ATXN10: variants seen among roughly 807,000 people sequenced by gnomAD.
The protein encoded by ATXN10 is ataxin-10.
A neutral mutation model predicts 52.9 loss-of-function variants in ATXN10; 28 were observed. The ratio of observed to expected loss-of-function variants is 0.53; its 90% CI spans 0.39 to 0.73. The LOEUF (loss-of-function observed/expected upper bound fraction) is 0.73, where lower values mean the gene tolerates loss of function less well. Among genes scored for constraint, ATXN10 ranks in the 30% least tolerant of loss-of-function variants. ATXN10 has a pLI of 0.00. For missense variants in ATXN10, 565 were observed against 577.0 expected (o/e 0.98, Z 0.21); for synonymous variants, 226 against 221.5 (o/e 1.02, Z -0.18).
chr22:45,732,584 T>C lies in ATXN10; in HGVS notation c.894+2994T>C, dbSNP rs1452120397. ...TGCACATATGTCATACTTTTTTTTT[T>C]TTTTTAAAAGAGGACCACTTTGCCA... On this transcript the variant is annotated intron_variant, in intron 7 of 11. Coordinates refer to ENST00000252934, the MANE Select transcript of ATXN10 (RefSeq NM_013236.4). The surrounding 1 kb of genome is among the most constrained non-coding windows in gnomAD (Gnocchi z 4.5). Among the ~76,000 whole-genome samples the C allele has an allele frequency of 6.6e-6, 1 of 152,194 alleles. No homozygotes were observed.
intron 7 of ATXN10, 152 bp from the exon 8 acceptor site, chr22:45,738,574 CTGTTT>C (rs1925388514): frequency 1.6e-6 from 1 of 625,174 alleles, no homozygotes; most frequent in East Asian, 2.9e-5. Flanking sequence ...TTTCATACTT[CTGTTT>C]TGTTCTTCAT....
rs180850520 is a variant in ATXN10 at position 45,738,183 on chromosome 22, C to T, written c.895-548C>T. 3.0e-3 allele frequency among the ~76,000 whole-genome samples: 459 copies of T among 152,300 alleles called. 2 individuals are homozygous for T. The highest frequency in any genetic ancestry group is 0.011 in the South Asian group (51 of 4,828). ...AGCTATGTGAAGTAGCATTTTCAAA[C>T]AGTACTGTCTTTCTAATCTACCAAG... is the stretch of plus-strand genomic sequence containing the variant. On this transcript the variant is annotated intron_variant, in intron 7 of 11. Coordinates refer to ENST00000252934, the MANE Select transcript of ATXN10 (RefSeq NM_013236.4).
At chr22:45,799,855 T>TA (rs1361062164) in intron 9 of ATXN10, among the ~76,000 whole-genome samples, 1 of 152,150 alleles carries the variant, frequency 6.6e-6, no homozygotes, top group Non-Finnish European at 1.5e-5. Context: ...TTTATGTAAA[T>TA]ATAGATGTAT....
chr22:45,691,887 C>T (rs1321279533), intron 2 of ATXN10, among the ~76,000 whole-genome samples: 7 of 151,738 alleles, frequency 4.6e-5, no homozygotes, highest in Admixed American at 1.3e-4. Flanking sequence ...AGTGAGACTC[C>T]GTCTCAAAAA....
At position 45,759,814 on chromosome 22, in the gene ATXN10, CTCTT is replaced by C. The variant is rs1433810718; in HGVS notation, c.1173+19280_1173+19283del. ...AGCACTGTCCATCGCTTGCTTCTCT[CTCTT>C]TCTAATTTACATACAGCTAAACACA... On this transcript the variant is annotated intron_variant, in intron 9 of 11. Coordinates refer to ENST00000252934, the MANE Select transcript of ATXN10 (RefSeq NM_013236.4). The surrounding 1 kb of genome is among the most constrained non-coding windows in gnomAD (Gnocchi z 5.4). Among the ~76,000 whole-genome samples the C allele has an allele frequency of 3.3e-5, 5 of 152,196 alleles. No homozygotes were observed. Among genetic ancestry groups the C allele is most frequent in the African/African-American group, 1.2e-4 (5 of 41,436 alleles).
At chr22:45,752,801 C>T (rs1233581373) in intron 9 of ATXN10, among the ~76,000 whole-genome samples, 1 of 151,434 alleles carries the variant, frequency 6.6e-6, no homozygotes, top group East Asian at 1.9e-4. Context: ...TGCAATGGTG[C>T]GATCTCGACG....
rs531884780 is a variant in ATXN10, at chr22:45,795,975, C to T, written c.1174-10984C>T. 2.6e-4 allele frequency among the ~76,000 whole-genome samples: 40 copies of T among 152,200 alleles called. No individual in the cohort carries two copies. Among genetic ancestry groups the T allele is most frequent in the Non-Finnish European group, 5.7e-4 (39 of 68,034 alleles). On this transcript the variant is annotated intron_variant, in intron 9 of 11. Coordinates refer to ENST00000252934, the MANE Select transcript of ATXN10 (RefSeq NM_013236.4). The surrounding 1 kb of genome is among the most constrained non-coding windows in gnomAD (Gnocchi z 4.6). The stretch of plus-strand genomic sequence containing the variant: ...GGCACCTTGAAAAAGAACTGGGTAA[C>T]AGCGATTTTCAAGGAACAAGGGAGA...
At chr22:45,680,340 G>A (rs1440224071) in intron 1 of ATXN10, among the ~76,000 whole-genome samples, 2 of 152,136 alleles carry the variant, frequency 1.3e-5, no homozygotes, top group African/African-American at 4.8e-5. Flanking sequence ...AAAGACTTAA[G>A]TGGTAAGATA....
rs1159104380 is a variant in ATXN10 at position 45,805,656 on chromosome 22, A to G, written c.1174-1303A>G. On this transcript the variant is annotated intron_variant, in intron 9 of 11. Coordinates refer to ENST00000252934, the MANE Select transcript of ATXN10 (RefSeq NM_013236.4). The surrounding 1 kb of genome is among the most constrained non-coding windows in gnomAD (Gnocchi z 4.4). ...AAATGTCCAGAATAGGCAAATCCAGAGAGACAGGAAGTAGAAGGATAGTTG... is the reference window on the plus strand; with the variant it reads ...AAATGTCCAGAATAGGCAAATCCAGGGAGACAGGAAGTAGAAGGATAGTTG... 2.6e-5 allele frequency among the ~76,000 whole-genome samples: 4 copies of G among 152,202 alleles called. No homozygotes were observed. The highest frequency in any genetic ancestry group is 5.9e-5 in the Non-Finnish European group (4 of 68,034).
Position 45,824,667 on chromosome 22 carries a change from TG to T in ATXN10, c.1237+17648del, listed in dbSNP as rs1410976052. Among the ~76,000 whole-genome samples, 2 of 152,228 alleles carry T rather than the reference TG, an allele frequency of 1.3e-5. No individual in the cohort carries two copies. The highest frequency in any genetic ancestry group is 2.9e-5 in the Non-Finnish European group (2 of 68,028). The stretch of plus-strand genomic sequence containing the variant: ...GTGCAGTAAACACATCACATATCCA[TG>T]GGTATATGGTGGCAGCTAGAAAACA... On this transcript the variant is annotated intron_variant, in intron 10 of 11. Coordinates refer to ENST00000252934, the MANE Select transcript of ATXN10 (RefSeq NM_013236.4). The surrounding 1 kb of genome is among the most constrained non-coding windows in gnomAD (Gnocchi z 5.2).
intron 7 of ATXN10, among the ~76,000 whole-genome samples, chr22:45,737,081 C>T (rs188949685): frequency 1.3e-5 from 2 of 152,236 alleles, no homozygotes; most frequent in South Asian, 2.1e-4. Context: ...TCAAAGATGA[C>T]CAGTGAGTTG....
chr22:45,673,057 C>T (rs1353866223), intron 1 of ATXN10: 2 of 152,218 alleles, frequency 1.3e-5, no homozygotes, highest in Non-Finnish European at 2.9e-5. Context: ...TGAACAGTAC[C>T]TCCCTGGTGA....
rs768311040 is a variant in ATXN10 at position 45,823,257 on chromosome 22, A to C, written c.1237+16235A>C. 1 of 464,136 alleles carries C rather than the reference A, an allele frequency of 2.2e-6. No individual in the cohort carries two copies. Among genetic ancestry groups the C allele is most frequent in the Non-Finnish European group, 4.4e-6 (1 of 224,958 alleles). 28.8% of individuals were successfully genotyped at this position (464,136 alleles called of 1,614,324 possible). A position where few individuals can be genotyped will look rare whatever the true frequency, so the allele number is the denominator to read the frequency against. On this transcript the variant is annotated intron_variant, in intron 10 of 11. Transcript: ENST00000252934. This position sits in a 1 kb window ranked among gnomAD's most constrained non-coding sequence, Gnocchi z 4.9. ...TTCTATGATGTTTTAATGAATAAAAATTCCCAATTTTAATGTAAAATTTAT... is the reference window on the plus strand; with the variant it reads ...TTCTATGATGTTTTAATGAATAAAACTTCCCAATTTTAATGTAAAATTTAT...
chr22:45,724,978 T>C (rs779311117), intron 6 of ATXN10, among the ~76,000 whole-genome samples: 5 of 152,172 alleles, frequency 3.3e-5, no homozygotes, highest in Admixed American at 1.3e-4. Context: ...TATTTGGCCT[T>C]ATTTCTGGTG....
chr22:45,829,968 T>A (rs1046179061), intron 10 of ATXN10, among the ~76,000 whole-genome samples: 2 of 152,182 alleles, frequency 1.3e-5, no homozygotes, highest in African/African-American at 4.8e-5. Context: ...ATTTTGAAAC[T>A]TATAATAAAG....
chr22:45,757,397 C>T lies in ATXN10; in HGVS notation c.1173+16859C>T, dbSNP rs1926214744. Among the ~76,000 whole-genome samples the T allele has an allele frequency of 6.6e-6, 1 of 152,146 alleles. No individual in the cohort carries two copies. Among genetic ancestry groups the T allele is most frequent in the South Asian group, 2.1e-4 (1 of 4,820 alleles). Reference sequence around the variant, plus strand: ...CCCAGCAGCGCCTGCTGGCTGGGAGCAGGGACAGAAAATGCCTGAGGCTCC... The same window carrying T: ...CCCAGCAGCGCCTGCTGGCTGGGAGTAGGGACAGAAAATGCCTGAGGCTCC... On this transcript the variant is annotated intron_variant, in intron 9 of 11. Coordinates refer to ENST00000252934, the MANE Select transcript of ATXN10 (RefSeq NM_013236.4). The surrounding 1 kb of genome is among the most constrained non-coding windows in gnomAD (Gnocchi z 4.6).
At chr22:45,740,199 A>AT (rs1202306026) in intron 8 of ATXN10, among the ~76,000 whole-genome samples, 170 bp from the exon 9 acceptor site, 3 of 152,158 alleles carry the variant, frequency 2.0e-5, no homozygotes, top group African/African-American at 7.2e-5. Context: ...CCTTCTAATC[A>AT]TTTTTTGAAG....
intron 6 of ATXN10, among the ~76,000 whole-genome samples, chr22:45,724,580 A>G (rs1292508689): frequency 6.6e-6 from 1 of 152,174 alleles, no homozygotes; most frequent in Non-Finnish European, 1.5e-5. Context: ...TCTTTGTCAG[A>G]TGCATAGTTG....
intron 9 of ATXN10, among the ~76,000 whole-genome samples, chr22:45,749,232 G>A (rs574648603): frequency 5.3e-5 from 8 of 152,276 alleles, no homozygotes; most frequent in African/African-American, 1.9e-4. Context: ...GTAACACTGG[G>A]TACATAGTGT....
Sources: allele counts gnomAD v4.1 joint callset (sites outside exome capture counted in the v4.1 genomes callset), GRCh38; gene constraint gnomAD v4.1.1; non-coding constraint Gnocchi (gnomAD v3.1); transcripts MANE v1.5; gene names NCBI Gene and HGNC (gene_info 2026-07-23, HGNC 2026-07-21).